Variants in CNTN5 observed in about 807,000 individuals in gnomAD.
The protein encoded by CNTN5 is contactin 5.
In CNTN5, 77 loss-of-function variants were observed where a neutral mutation model predicts 129.1. That is an observed-to-expected ratio of 0.60 (90% CI 0.50 to 0.72). CNTN5 has a LOEUF of 0.72. CNTN5 is among the 30% of genes least tolerant of loss of function. The probability of loss-of-function intolerance (pLI) is 0.00; values close to 1 mark genes in which losing one functional copy is unlikely to be tolerated. For missense variants in CNTN5, 1,478 were observed against 1,328.8 expected, an observed-to-expected ratio of 1.11 and a Z score of -1.75; for synonymous variants, 509 against 465.6, an observed-to-expected ratio of 1.09 and a Z score of -1.20.
chr11:99,741,280 G>A (rs934851060), intron 3 of CNTN5, among the ~76,000 whole-genome samples: 3 of 152,082 alleles, frequency 2.0e-5, no homozygotes, highest in African/African-American at 4.8e-5. Context: ...AACATTGAAT[G>A]GTAATGTTTC....
Position 99,884,928 on chromosome 11 carries a change from T to G in CNTN5, c.578-31126T>G, listed in dbSNP as rs535822014. The stretch of plus-strand genomic sequence containing the variant: ...GGAGGCAGAGGTTGCAGTCAGCCGA[T>G]GTAGTACCACTGCACTCCACCCTCA... On this transcript the variant is annotated intron_variant, in intron 6 of 24. Transcript: ENST00000524871. Among the ~76,000 whole-genome samples, 9 of 152,066 alleles carry G rather than the reference T, an allele frequency of 5.9e-5. No homozygotes were observed. The South Asian group carries it at 1.9e-3, about 32-fold the overall frequency.
At chr11:99,751,259 C>T (rs1368081306) in intron 3 of CNTN5, among the ~76,000 whole-genome samples, 1 of 152,156 alleles carries the variant, frequency 6.6e-6, no homozygotes, top group Non-Finnish European at 1.5e-5. Flanking sequence ...ATTGCTTGAA[C>T]TTGTGAGGCG....
At chr11:99,582,513 C>G (rs1486834174) in intron 3 of CNTN5, among the ~76,000 whole-genome samples, 1 of 152,166 alleles carries the variant, frequency 6.6e-6, no homozygotes, top group African/African-American at 2.4e-5. Flanking sequence ...TTCTTGGAGG[C>G]TTTGTTCATT....
intron 1 of CNTN5, among the ~76,000 whole-genome samples, chr11:99,135,253 A>G (rs576484151): frequency 6.6e-6 from 1 of 152,316 alleles, no homozygotes; most frequent in East Asian, 1.9e-4. Context: ...TCAAGCAAAC[A>G]TATAAATAAA....
rs933624540 is a variant in CNTN5 at position 100,350,953 on chromosome 11, G to A, written c.3199+83G>A. On this transcript the variant is annotated intron_variant, in intron 24 of 24. Transcript: ENST00000524871. The stretch of plus-strand genomic sequence containing the variant: ...GAAAGTCACGAAAATTGATGTGATA[G>A]ATTTCATGGTTCAGAGATTTTGAGG... 544 of 1,049,478 alleles carry A rather than the reference G, an allele frequency of 5.2e-4. 3 individuals are homozygous for A. Among genetic ancestry groups the A allele is most frequent in the Admixed American group, 1.0e-4 (4 of 39,950 alleles). The allele number at this position is 1,049,478 out of a possible 1,614,324, so 65.0% of individuals were successfully genotyped here.
chr11:100,180,012 T>G (rs1025023259), intron 13 of CNTN5, among the ~76,000 whole-genome samples: 1 of 151,984 alleles, frequency 6.6e-6, no homozygotes, highest in African/African-American at 2.4e-5. Flanking sequence ...CTACAAAAAC[T>G]CTTCCAGAGA....
At chr11:99,220,038 T>C (rs559578806) in intron 1 of CNTN5, among the ~76,000 whole-genome samples, 7 of 152,012 alleles carry the variant, frequency 4.6e-5, no homozygotes, top group African/African-American at 1.7e-4. Flanking sequence ...TAGATCTTCA[T>C]GCAACTTGTT....
chr11:99,321,459 G>T (rs1371165404), intron 1 of CNTN5, among the ~76,000 whole-genome samples: 1 of 151,576 alleles, frequency 6.6e-6, no homozygotes, highest in Non-Finnish European at 1.5e-5. Context: ...CCATTCATTA[G>T]GCTTCTGGGT....
intron 4 of CNTN5, among the ~76,000 whole-genome samples, chr11:99,824,968 AAT>A (rs1181080198): frequency 6.6e-6 from 1 of 152,008 alleles, no homozygotes; most frequent in African/African-American, 2.4e-5. Context: ...CGAAAATAAT[AAT>A]ATAGTAAGAA....
At chr11:100,043,191 T>G (rs572408174) in intron 9 of CNTN5, among the ~76,000 whole-genome samples, 1 of 152,350 alleles carries the variant, frequency 6.6e-6, no homozygotes, top group South Asian at 2.1e-4. Flanking sequence ...CATTCTTGAT[T>G]TCAAATCAGC....
chr11:99,929,930 A>G (rs775470231), intron 7 of CNTN5, among the ~76,000 whole-genome samples: 6 of 152,220 alleles, frequency 3.9e-5, no homozygotes, highest in Non-Finnish European at 7.3e-5. Flanking sequence ...ATTGAAACAA[A>G]GAAAAGTCCA....
chr11:99,245,478 C>T (rs758236978), intron 1 of CNTN5, among the ~76,000 whole-genome samples: 33 of 152,018 alleles, frequency 2.2e-4, no homozygotes, highest in African/African-American at 8.0e-4. Context: ...CCTCCATGCC[C>T]GGCTAATTTT....
At position 100,340,648 on chromosome 11, in the gene CNTN5, C is replaced by T. The variant is rs367905684; in HGVS notation, c.2916C>T (p.Ser972=). 6.3e-7 allele frequency: 1 copy of T among 1,588,002 alleles called. No homozygotes were observed. Among genetic ancestry groups the T allele is most frequent in the Admixed American group, 1.9e-5 (1 of 53,216 alleles). ...AAGTGAGTGCAACCACCAAGAAATC[C>T]CGTAAGTGACCTGGGCTTTTTGTTT... ...SSEVSATTKK[S]PPSQAPSNLR... The change falls in exon 22 of 25, where the codon TCC becomes TCT. Residue 972 remains serine (S), a splice_region_variant and synonymous_variant. Coordinates refer to ENST00000524871, the MANE Select transcript of CNTN5 (RefSeq NM_014361.4).
At chr11:100,050,430 A>T (rs540644218) in intron 9 of CNTN5, among the ~76,000 whole-genome samples, 1 of 150,798 alleles carries the variant, frequency 6.6e-6, no homozygotes, top group Admixed American at 6.6e-5. Flanking sequence ...AACAATGAGA[A>T]CACATGGACA....
intron 13 of CNTN5, among the ~76,000 whole-genome samples, chr11:100,104,178 T>G (rs572977781): frequency 6.6e-6 from 1 of 151,670 alleles, no homozygotes; most frequent in Non-Finnish European, 1.5e-5. Context: ...CACTGCAACT[T>G]CCGCCTCCCA....
At chr11:99,543,909 A>T (rs556725442) in intron 2 of CNTN5, among the ~76,000 whole-genome samples, 2 of 113,672 alleles carry the variant, frequency 1.8e-5, no homozygotes, top group East Asian at 6.0e-4. Context: ...TAACAGAGAG[A>T]GTCTGTCTCA....
intron 3 of CNTN5, among the ~76,000 whole-genome samples, chr11:99,749,330 C>T (rs1210887527): frequency 6.6e-6 from 1 of 152,136 alleles, no homozygotes; most frequent in Non-Finnish European, 1.5e-5. Context: ...AGAAACATTT[C>T]ATCTCTCTGA....
intron 2 of CNTN5, among the ~76,000 whole-genome samples, chr11:99,396,327 C>T (rs1037870575): frequency 1.3e-5 from 2 of 151,486 alleles, no homozygotes; most frequent in African/African-American, 2.4e-5. Flanking sequence ...AAAGTGCTTG[C>T]AATTCTTAAA....
At chr11:99,847,927 C>T (rs1413833075) in intron 6 of CNTN5, among the ~76,000 whole-genome samples, 1 of 152,002 alleles carries the variant, frequency 6.6e-6, no homozygotes, top group Non-Finnish European at 1.5e-5. Flanking sequence ...AAAATTAGTC[C>T]GCAGGCTGGG....
Sources: allele counts gnomAD v4.1 joint callset (sites outside exome capture counted in the v4.1 genomes callset), GRCh38; gene constraint gnomAD v4.1.1; transcripts MANE v1.5; gene names NCBI Gene and HGNC (gene_info 2026-07-23, HGNC 2026-07-21).